The following ABAT variants were observed in gnomAD, a reference collection of about 807,000 sequenced individuals.
ABAT encodes 4-aminobutyrate aminotransferase.
A neutral mutation model predicts 64.6 loss-of-function variants in ABAT; 45 were observed. The observed-to-expected ratio is 0.70, with a 90% CI of 0.55 to 0.89. The LOEUF is 0.89. Ranked by LOEUF, ABAT falls within the 40% of genes least tolerant of loss-of-function variation. The pLI is 0.00. For synonymous variants in ABAT, 297 were observed against 250.5 expected (o/e 1.19, Z -1.75); for missense variants, 633 against 658.4 (o/e 0.96, Z 0.42).
chr16:8,728,617 T>C (rs1223579357), intron 1 of ABAT, among the ~76,000 whole-genome samples: 2 of 152,218 alleles, frequency 1.3e-5, no homozygotes, highest in Non-Finnish European at 2.9e-5. Context: ...GGCTCACACC[T>C]GTAATTCCAG....
intron 4 of ABAT, 100 bp downstream of exon 4, chr16:8,748,237 G>A: frequency 8.5e-7 from 1 of 1,173,036 alleles, no homozygotes; most frequent in Non-Finnish European, 1.2e-6. Context: ...TAAAAAAAAT[G>A]TAGTTGACTT....
intron 8 of ABAT, among the ~76,000 whole-genome samples, chr16:8,765,063 C>T (rs547695582): frequency 1.3e-5 from 2 of 151,994 alleles, no homozygotes; most frequent in Non-Finnish European, 1.5e-5. Flanking sequence ...TGGGCGCAGT[C>T]GTTCACACCT....
intron 9 of ABAT, 123 bp downstream of exon 9, chr16:8,766,393 G>A: frequency 2.2e-6 from 2 of 915,432 alleles, no homozygotes; most frequent in Non-Finnish European, 3.4e-6. Flanking sequence ...GGTGGCTCAT[G>A]CCTGTAATCC....
intron 2 of ABAT, among the ~76,000 whole-genome samples, chr16:8,743,072 A>G (rs1248818557): frequency 6.6e-6 from 1 of 150,766 alleles, no homozygotes; most frequent in Non-Finnish European, 1.5e-5. Context: ...CTAATGGAAT[A>G]CTTTTAGGAA....
intron 1 of ABAT, among the ~76,000 whole-genome samples, chr16:8,689,915 AAACTACAT>A (rs1567271550): frequency 6.6e-6 from 1 of 152,242 alleles, no homozygotes; most frequent in Non-Finnish European, 1.5e-5. Flanking sequence ...CAAGGCCTTT[AAACTACAT>A]TCAACAGCTG....
At chr16:8,724,923 T>TTTTC (rs1246838126) in intron 1 of ABAT, among the ~76,000 whole-genome samples, 8 of 134,564 alleles carry the variant, frequency 5.9e-5, no homozygotes, top group South Asian at 3.3e-4. Context: ...CTTTTTTCTT[T>TTTTC]TTTTTTTTTT....
intron 2 of ABAT, 90 bp from the exon 3 acceptor site, chr16:8,745,911 C>T: frequency 7.8e-7 from 1 of 1,281,000 alleles, no homozygotes; most frequent in Non-Finnish European, 1.1e-6. Context: ...CTGGCACTAC[C>T]TCTGTTAGGG....
chr16:8,716,809 C>CA (rs1440669084), intron 1 of ABAT, among the ~76,000 whole-genome samples: 1 of 152,154 alleles, frequency 6.6e-6, no homozygotes, highest in Non-Finnish European at 1.5e-5. Context: ...TTCCTGTGAC[C>CA]ACACTCCAAT....
chr16:8,700,191 T>C (rs145557309), intron 1 of ABAT, among the ~76,000 whole-genome samples: 8 of 152,276 alleles, frequency 5.3e-5, no homozygotes, highest in African/African-American at 1.9e-4. Flanking sequence ...ACATGAGTAT[T>C]GCAGGTGTGG....
At position 8,781,188 on chromosome 16, in the gene ABAT, A is replaced by G. The variant is rs980507615; in HGVS notation, c.1382-121A>G. ...GAAGCCCGGGCTTCCATGATGGAGG[A>G]TGATGGATGGATGGATGGATGGATG... On this transcript the variant is annotated intron_variant, in intron 15 of 15. Transcript: ENST00000268251. The surrounding 1 kb of genome is among the most constrained non-coding windows in gnomAD (Gnocchi z 4.5). 1.4e-5 allele frequency: 20 copies of G among 1,444,356 alleles called. No individual in the cohort carries two copies. In the Admixed American group the frequency reaches 3.5e-4, roughly 25 times the overall value. 89.5% of individuals were successfully genotyped at this position (1,444,356 alleles called of 1,614,324 possible).
chr16:8,709,653 C>T (rs1015788755), intron 1 of ABAT, among the ~76,000 whole-genome samples: 8 of 152,228 alleles, frequency 5.3e-5, no homozygotes, highest in African/African-American at 1.9e-4. Context: ...GGATTACAGG[C>T]GTGAGCCACC....
chr16:8,732,672 T>C (rs1481899552), intron 1 of ABAT, among the ~76,000 whole-genome samples: 1 of 151,384 alleles, frequency 6.6e-6, no homozygotes, highest in African/African-American at 2.5e-5. Flanking sequence ...TTCCCCACCT[T>C]TCCCGCCTTT....
At position 8,776,799 on chromosome 16, in the gene ABAT, G is replaced by T. The variant is rs1190581704; in HGVS notation, c.1269+309G>T. 6.6e-6 allele frequency among the ~76,000 whole-genome samples: 1 copy of T among 152,086 alleles called. No homozygotes were observed. The highest frequency in any genetic ancestry group is 2.4e-5 in the African/African-American group (1 of 41,426). On this transcript the variant is annotated intron_variant, in intron 14 of 15. Coordinates refer to ENST00000268251, the MANE Select transcript of ABAT (RefSeq NM_020686.6). This position sits in a 1 kb window ranked among gnomAD's most constrained non-coding sequence, Gnocchi z 4.4. ...AAGCTCTGTTAGCCAGTCCGGCCTT[G>T]AACTCCTGGCCTCAAACGATCCTTC...
chr16:8,711,810 G>GGATA (rs149576218), intron 1 of ABAT, among the ~76,000 whole-genome samples: 3,438 of 111,338 alleles, frequency 0.031, 136 homozygotes, highest in African/African-American at 0.088. Flanking sequence ...ATGGATGGAT[G>GGATA]GATGGATGGA....
chr16:8,726,598 G>C (rs981176929), intron 1 of ABAT, among the ~76,000 whole-genome samples: 5 of 152,142 alleles, frequency 3.3e-5, no homozygotes, highest in African/African-American at 1.2e-4. Context: ...TCTGTTATTG[G>C]ACACTCAGGT....
chr16:8,720,068 C>A (rs2058324975), intron 1 of ABAT, among the ~76,000 whole-genome samples: 1 of 152,188 alleles, frequency 6.6e-6, no homozygotes, highest in Admixed American at 6.5e-5. Context: ...CTGCCTCGGC[C>A]TCCCAAAGTG....
At position 8,766,240 on chromosome 16, in the gene ABAT, G is replaced by A. The variant is rs1180998795; in HGVS notation, c.573G>A (p.Gln191=). The change falls in exon 9 of 16, where the codon CAG becomes CAA. Residue 191 remains glutamine (Q), a synonymous_variant. Transcript: ENST00000268251. ...AAAGAGGGCAGAGGGGCTTCTCCCA[G>A]GAGGAGCTGGAGACGTGCATGATTA... The part of the protein sequence containing the change: ...SKERGQRGFS[Q]EELETCMINQ... The A allele has an allele frequency of 6.2e-7, 1 of 1,614,162 alleles. No homozygotes were observed. Among genetic ancestry groups the A allele is most frequent in the East Asian group, 2.2e-5 (1 of 44,886 alleles).
Position 8,674,645 on chromosome 16 carries a change from G to C in ABAT, c.-108G>C, listed in dbSNP as rs962384025. ...CAGACACCCAGCGCTGCCGGAACTC[G>C]GGGCGCGCATCCCGCAAGTCGGAAC... is the stretch of plus-strand genomic sequence containing the variant. On this transcript the variant is annotated 5_prime_UTR_variant, in exon 1 of 16. Coordinates refer to ENST00000268251, the MANE Select transcript of ABAT (RefSeq NM_020686.6). The C allele has an allele frequency of 1.3e-5, 2 of 152,272 alleles. No individual in the cohort carries two copies. The highest frequency in any genetic ancestry group is 2.1e-4 in the South Asian group (1 of 4,838). 9.4% of individuals were successfully genotyped at this position (152,272 alleles called of 1,614,324 possible).
In ABAT at chr16:8,741,464, G is replaced by A. The variant is rs551954783; in HGVS notation, c.71-4537G>A. Among the ~76,000 whole-genome samples the A allele has an allele frequency of 9.8e-5, 15 of 152,302 alleles. No homozygotes were observed. In the East Asian group the frequency reaches 1.2e-3, roughly 12 times the overall value. ...TTAATTAACCTCTCTGAGCCTCAGCGTCTTCTTCTGTAATGTAAGAATAAT... is the reference window on the plus strand; with the variant it reads ...TTAATTAACCTCTCTGAGCCTCAGCATCTTCTTCTGTAATGTAAGAATAAT... On this transcript the variant is annotated intron_variant, in intron 2 of 15. Coordinates refer to ENST00000268251, the MANE Select transcript of ABAT (RefSeq NM_020686.6).
Sources: allele counts gnomAD v4.1 joint callset (sites outside exome capture counted in the v4.1 genomes callset), GRCh38; gene constraint gnomAD v4.1.1; non-coding constraint Gnocchi (gnomAD v3.1); transcripts MANE v1.5; gene names NCBI Gene and HGNC (gene_info 2026-07-23, HGNC 2026-07-21).